The following ARHGAP15 variants were observed in gnomAD, a reference collection of about 807,000 sequenced individuals.
ARHGAP15 encodes the protein Rho GTPase activating protein 15.
A neutral mutation model predicts 63.7 loss-of-function variants in ARHGAP15; 51 were observed. The observed-to-expected ratio is 0.80, with a 90% confidence interval of 0.64 to 1.01. ARHGAP15 has a LOEUF of 1.01. Among genes scored for constraint, ARHGAP15 ranks in the 50% least tolerant of loss-of-function variants. The pLI is 0.00. For missense variants in ARHGAP15, 560 were observed against 564.6 expected, an observed-to-expected ratio of 0.99 and a Z score of 0.08; for synonymous variants, 191 against 193.8, an observed-to-expected ratio of 0.99 and a Z score of 0.12.
At chr2:143,470,605 G>GTA (rs1355291409) in intron 8 of ARHGAP15, among the ~76,000 whole-genome samples, 1 of 149,544 alleles carries the variant, frequency 6.7e-6, no homozygotes, top group African/African-American at 2.5e-5. Context: ...GCATGTGTGT[G>GTA]TATATATGTG....
chr2:143,743,407 T>C (rs113457272), intron 13 of ARHGAP15, among the ~76,000 whole-genome samples: 1,616 of 152,322 alleles, frequency 0.011, 23 homozygotes, highest in African/African-American at 0.037. Context: ...AGGGGCATGC[T>C]ACTTCGGTCA....
chr2:143,666,389 G>T (rs569263926), intron 12 of ARHGAP15, among the ~76,000 whole-genome samples: 2 of 152,050 alleles, frequency 1.3e-5, no homozygotes, highest in Non-Finnish European at 2.9e-5. Context: ...AAACTGTATC[G>T]CTTCCTTACA....
intron 1 of ARHGAP15, among the ~76,000 whole-genome samples, chr2:143,150,805 G>T (rs1689784260): frequency 6.6e-6 from 1 of 151,954 alleles, no homozygotes; most frequent in African/African-American, 2.4e-5. Context: ...TAACAATAAT[G>T]ATGATGACAT....
intron 3 of ARHGAP15, among the ~76,000 whole-genome samples, chr2:143,206,138 C>T (rs537493711): frequency 3.9e-5 from 6 of 152,232 alleles, no homozygotes; most frequent in South Asian, 2.1e-4. Context: ...CAATTACAGT[C>T]CTTTCATCCC....
At chr2:143,625,772 G>T (rs1698812223) in intron 12 of ARHGAP15, among the ~76,000 whole-genome samples, 1 of 152,126 alleles carries the variant, frequency 6.6e-6, no homozygotes, top group Non-Finnish European at 1.5e-5. Flanking sequence ...TTTGCATTTG[G>T]ATGCCTATTT....
At chr2:143,438,491 C>T (rs1689717287) in intron 8 of ARHGAP15, among the ~76,000 whole-genome samples, 1 of 152,114 alleles carries the variant, frequency 6.6e-6, no homozygotes, top group South Asian at 2.1e-4. Flanking sequence ...AGTAGAAGCA[C>T]CCTTTTGAAA....
At chr2:143,396,584 A>G (rs763009758) in intron 6 of ARHGAP15, among the ~76,000 whole-genome samples, 3 of 150,762 alleles carry the variant, frequency 2.0e-5, no homozygotes, top group Admixed American at 6.7e-5. Flanking sequence ...AGTACGCTCC[A>G]TATAAATATT....
intron 6 of ARHGAP15, among the ~76,000 whole-genome samples, chr2:143,269,208 G>A (rs1404919988): frequency 6.6e-6 from 1 of 152,116 alleles, no homozygotes; most frequent in Non-Finnish European, 1.5e-5. Context: ...TCTAAAGAGA[G>A]AATAAAGTAC....
intron 7 of ARHGAP15, 67 bp downstream of exon 7, chr2:143,435,766 G>C: frequency 8.9e-6 from 13 of 1,454,168 alleles, no homozygotes; most frequent in African/African-American, 1.4e-5. Context: ...TATTGCTCAG[G>C]CATATAACAC....
At chr2:143,355,970 C>A (rs954201060) in intron 6 of ARHGAP15, among the ~76,000 whole-genome samples, 2 of 151,894 alleles carry the variant, frequency 1.3e-5, no homozygotes, top group Non-Finnish European at 2.9e-5. Context: ...TATGCCATTA[C>A]GCTCATTTGT....
intron 12 of ARHGAP15, among the ~76,000 whole-genome samples, chr2:143,670,092 A>G (rs1465347508): frequency 6.6e-6 from 1 of 152,186 alleles, no homozygotes; most frequent in Non-Finnish European, 1.5e-5. Flanking sequence ...CAGTCCATGA[A>G]TTACCATGGA....
intron 6 of ARHGAP15, among the ~76,000 whole-genome samples, chr2:143,257,114 A>C (rs1574163673): frequency 6.6e-6 from 1 of 152,106 alleles, no homozygotes; most frequent in South Asian, 2.1e-4. Context: ...AACAACACGA[A>C]CTTTATGTTG....
intron 6 of ARHGAP15, among the ~76,000 whole-genome samples, chr2:143,281,523 C>T (rs1242677196): frequency 4.6e-5 from 7 of 152,108 alleles, no homozygotes; most frequent in Non-Finnish European, 1.5e-5. Context: ...AGGTAGGAAG[C>T]AACAGCTAAA....
At chr2:143,274,444 C>G (rs1681444516) in intron 6 of ARHGAP15, among the ~76,000 whole-genome samples, 1 of 152,202 alleles carries the variant, frequency 6.6e-6, no homozygotes, top group South Asian at 2.1e-4. Flanking sequence ...AATGCAGAAA[C>G]AGTTCAAGAA....
chr2:143,207,241 A>G (rs1400303225), intron 3 of ARHGAP15, among the ~76,000 whole-genome samples: 1 of 151,962 alleles, frequency 6.6e-6, no homozygotes, highest in Non-Finnish European at 1.5e-5. Context: ...TAAATAAATG[A>G]AACTCACTTT....
chr2:143,362,515 C>T (rs1686105305), intron 6 of ARHGAP15, among the ~76,000 whole-genome samples: 1 of 152,180 alleles, frequency 6.6e-6, no homozygotes. Context: ...CTGCAATAGT[C>T]TAGATGATTT....
intron 6 of ARHGAP15, among the ~76,000 whole-genome samples, chr2:143,302,416 T>C (rs1015740964): frequency 6.6e-6 from 1 of 152,060 alleles, no homozygotes; most frequent in African/African-American, 2.4e-5. Flanking sequence ...TACTTCTTGC[T>C]CTGACTAAAA....
rs1684627919 is a variant in ARHGAP15, at chr2:143,333,275, T to C, written c.474+82675T>C. Among the ~76,000 whole-genome samples, 2 of 152,186 alleles carry C rather than the reference T, an allele frequency of 1.3e-5. 1 individual carries two copies. The highest frequency in any genetic ancestry group is 1.3e-4 in the Admixed American group (2 of 15,266). ...ATGAATACTTTCCTCAGTTAGACTG[T>C]TGTTTTAAATATCACTGTGGACTCT... On this transcript the variant is annotated intron_variant, in intron 6 of 13. Coordinates refer to ENST00000295095, the MANE Select transcript of ARHGAP15 (RefSeq NM_018460.4).
At chr2:143,432,214 T>C (rs1017105494) in intron 6 of ARHGAP15, among the ~76,000 whole-genome samples, 2 of 152,070 alleles carry the variant, frequency 1.3e-5, no homozygotes, top group African/African-American at 4.8e-5. Flanking sequence ...GTTTTGTTTA[T>C]ATTCTAGTAA....
Sources: gnomAD v4.1 joint callset for allele counts (sites outside exome capture counted in the v4.1 genomes callset) on GRCh38, gnomAD v4.1.1 for gene constraint, MANE v1.5 for transcripts, NCBI Gene and HGNC (gene_info 2026-07-23, HGNC 2026-07-21) for gene names.